The following GALNT10 variants were observed in gnomAD, a reference collection of about 807,000 sequenced individuals.
GALNT10 encodes the protein polypeptide N-acetylgalactosaminyltransferase 10, also known as GalNAc transferase 10.
Under a neutral mutation model 75.0 loss-of-function variants are expected in GALNT10, and 41 were observed. That is an observed-to-expected ratio of 0.55 (90% CI 0.43 to 0.71). The LOEUF (loss-of-function observed/expected upper bound fraction) is 0.71, where lower values mean the gene tolerates loss of function less well. Among genes scored for constraint, GALNT10 ranks in the 30% least tolerant of loss-of-function variants. The pLI is 0.00. For missense variants in GALNT10, 727 were observed against 818.5 expected (o/e 0.89, Z 1.36); for synonymous variants, 302 against 313.0 (o/e 0.96, Z 0.37).
At chr5:154,411,300 G>A (rs1211032417) in intron 9 of GALNT10, among the ~76,000 whole-genome samples, 1 of 152,164 alleles carries the variant, frequency 6.6e-6, no homozygotes, top group Non-Finnish European at 1.5e-5. Context: ...TCATGCTGAA[G>A]GTATCAAAAT....
At chr5:154,369,145 T>TG (rs1366789583) in intron 4 of GALNT10, among the ~76,000 whole-genome samples, 6 of 152,162 alleles carry the variant, frequency 3.9e-5, no homozygotes, top group African/African-American at 1.2e-4. Flanking sequence ...CCCAGCACTT[T>TG]GGGAGGCCGA....
chr5:154,350,452 C>G (rs2113143104), intron 4 of GALNT10, among the ~76,000 whole-genome samples: 1 of 152,250 alleles, frequency 6.6e-6, no homozygotes, highest in East Asian at 1.9e-4. Context: ...ATGAGCATAT[C>G]CTTTGATCTA....
chr5:154,321,619 T>C (rs1186916473), intron 3 of GALNT10, among the ~76,000 whole-genome samples: 1 of 152,166 alleles, frequency 6.6e-6, no homozygotes, highest in Non-Finnish European at 1.5e-5. Context: ...CCACTGCACC[T>C]GGCCACCCCC....
intron 1 of GALNT10, among the ~76,000 whole-genome samples, chr5:154,222,977 A>G (rs1753006666): frequency 6.6e-6 from 1 of 152,232 alleles, no homozygotes; most frequent in Non-Finnish European, 1.5e-5. Context: ...TAAGACATTG[A>G]AATTTAACAA....
chr5:154,223,949 A>G (rs1042322480), intron 1 of GALNT10, among the ~76,000 whole-genome samples: 5 of 152,000 alleles, frequency 3.3e-5, no homozygotes, highest in Admixed American at 2.6e-4. Context: ...CTAAACAACA[A>G]CAGCAGAACA....
rs530883226 is a variant in GALNT10 at position 154,282,054 on chromosome 5, C to T, written c.160-12762C>T. ...TAAAGAAAAGAAGCGTATTTGGTCA[C>T]AGTTCCTGAGGCTGGGAAGTCCGAG... On this transcript the variant is annotated intron_variant, in intron 1 of 11. Transcript: ENST00000297107. 6.6e-5 allele frequency among the ~76,000 whole-genome samples: 10 copies of T among 152,278 alleles called. No individual in the cohort carries two copies. The South Asian group carries it at 2.1e-3, about 32-fold the overall frequency.
chr5:154,356,191 T>C lies in GALNT10; in HGVS notation c.569-20086T>C, dbSNP rs575910698. 2.8e-5 allele frequency: 13 copies of C among 456,318 alleles called. No individual in the cohort carries two copies. In the East Asian group the frequency reaches 7.6e-4, roughly 27 times the overall value. The allele number at this position is 456,318 out of a possible 1,614,324, so 28.3% of individuals were successfully genotyped here. A position where few individuals can be genotyped will look rare whatever the true frequency, so the allele number is the denominator to read the frequency against. On this transcript the variant is annotated intron_variant, in intron 4 of 11. Coordinates refer to ENST00000297107, the MANE Select transcript of GALNT10 (RefSeq NM_198321.4). ...ATCAACTCCCTCTCCCTTTGTGTGCTAGAGACCCTTCAGCATACGCAGCTC... is the reference window on the plus strand; with the variant it reads ...ATCAACTCCCTCTCCCTTTGTGTGCCAGAGACCCTTCAGCATACGCAGCTC...
intron 7 of GALNT10, chr5:154,389,292 T>C (rs1289211539): frequency 6.6e-6 from 1 of 151,790 alleles, no homozygotes; most frequent in Non-Finnish European, 1.5e-5. Context: ...GTAAAATGTA[T>C]AAAAGTCTAG....
At chr5:154,234,682 C>T (rs893290859) in intron 1 of GALNT10, among the ~76,000 whole-genome samples, 7 of 152,346 alleles carry the variant, frequency 4.6e-5, no homozygotes, top group Admixed American at 2.6e-4. Context: ...GGGCATGTGA[C>T]CAGTGCATAT....
chr5:154,359,960 A>G (rs1317242251), intron 4 of GALNT10, among the ~76,000 whole-genome samples: 2 of 152,016 alleles, frequency 1.3e-5, no homozygotes, highest in East Asian at 3.8e-4. Context: ...TGCATATTCT[A>G]TAATCCAGGA....
At chr5:154,254,034 C>G (rs963147639) in intron 1 of GALNT10, among the ~76,000 whole-genome samples, 1 of 152,134 alleles carries the variant, frequency 6.6e-6, no homozygotes, top group African/African-American at 2.4e-5. Flanking sequence ...CAGTTCTTAC[C>G]TTAGCCCATA....
intron 1 of GALNT10, among the ~76,000 whole-genome samples, chr5:154,266,803 G>C (rs1174342607): frequency 6.6e-6 from 1 of 152,164 alleles, no homozygotes; most frequent in Non-Finnish European, 1.5e-5. Context: ...GATTGCCTGA[G>C]CCCAGGAGTT....
At chr5:154,342,333 A>G (rs1246324496) in intron 4 of GALNT10, among the ~76,000 whole-genome samples, 1 of 152,216 alleles carries the variant, frequency 6.6e-6, no homozygotes, top group Non-Finnish European at 1.5e-5. Context: ...CAAAGCAGAC[A>G]TTCCAAACCT....
At chr5:154,346,697 A>C (rs1755128308) in intron 4 of GALNT10, among the ~76,000 whole-genome samples, 1 of 152,216 alleles carries the variant, frequency 6.6e-6, no homozygotes, top group African/African-American at 2.4e-5. Flanking sequence ...CTTTTATAAC[A>C]GTGTAAATCA....
chr5:154,292,604 C>T (rs761866932), intron 1 of GALNT10, among the ~76,000 whole-genome samples: 2 of 152,200 alleles, frequency 1.3e-5, no homozygotes, highest in Non-Finnish European at 2.9e-5. Context: ...TGGGCAGGTT[C>T]CTGGCCTACC....
At chr5:154,286,961 A>C (rs1754120430) in intron 1 of GALNT10, among the ~76,000 whole-genome samples, 1 of 152,204 alleles carries the variant, frequency 6.6e-6, no homozygotes, top group South Asian at 2.1e-4. Context: ...AGTTTTCTCA[A>C]AACAGCAGCC....
At chr5:154,255,209 C>G (rs1286336574) in intron 1 of GALNT10, among the ~76,000 whole-genome samples, 1 of 152,126 alleles carries the variant, frequency 6.6e-6, no homozygotes, top group African/African-American at 2.4e-5. Context: ...TATCCTTGAA[C>G]TAATCTCTAA....
intron 1 of GALNT10, among the ~76,000 whole-genome samples, chr5:154,238,110 G>C (rs932249110): frequency 6.6e-6 from 1 of 152,244 alleles, no homozygotes; most frequent in South Asian, 2.1e-4. Context: ...GAGGCATTTG[G>C]GGTCTAGAAG....
chr5:154,375,924 T>G (rs1252112838), intron 4 of GALNT10, among the ~76,000 whole-genome samples: 1 of 152,220 alleles, frequency 6.6e-6, no homozygotes, highest in Non-Finnish European at 1.5e-5. Context: ...TCTGATGGAC[T>G]GAGAAGGGAA....
Sources: allele counts gnomAD v4.1 joint callset (sites outside exome capture counted in the v4.1 genomes callset), GRCh38; gene constraint gnomAD v4.1.1; transcripts MANE v1.5; gene names NCBI Gene and HGNC (gene_info 2026-07-23, HGNC 2026-07-21).